Variants in GOLPH3L observed in about 807,000 individuals in gnomAD.
The protein encoded by GOLPH3L is golgi phosphoprotein 3 like.
A neutral mutation model predicts 30.3 loss-of-function variants in GOLPH3L; 22 were observed. The ratio of observed to expected loss-of-function variants is 0.73; its 90% confidence interval spans 0.52 to 1.04. GOLPH3L has a LOEUF of 1.04. Ranked by LOEUF, GOLPH3L falls within the 50% of genes least tolerant of loss-of-function variation. GOLPH3L has a pLI of 0.00. For missense variants in GOLPH3L, 303 were observed against 345.8 expected (o/e 0.88, Z 0.98); for synonymous variants, 120 against 128.2 (o/e 0.94, Z 0.43).
chr1:150,653,300 T>A (rs587634089), intron 4 of GOLPH3L, among the ~76,000 whole-genome samples: 41,667 of 131,204 alleles, frequency 0.32, 5,389 homozygotes, highest in South Asian at 0.47. Flanking sequence ...TTTTTTTTAT[T>A]TTTTTTTTTT....
chr1:150,652,246 T>C (rs1650118745), intron 4 of GOLPH3L, among the ~76,000 whole-genome samples: 1 of 151,296 alleles, frequency 6.6e-6, no homozygotes, highest in Non-Finnish European at 1.5e-5. Flanking sequence ...GCAGGTGTGG[T>C]GGCATGCACT....
intron 2 of GOLPH3L, among the ~76,000 whole-genome samples, chr1:150,693,836 T>TATAC (rs1557791412): frequency 5.0e-5 from 5 of 100,148 alleles, no homozygotes; most frequent in South Asian, 3.0e-4. Context: ...TATATATATA[T>TATAC]ATATATATAT....
intron 2 of GOLPH3L, 118 bp downstream of exon 2, chr1:150,694,538 T>C (rs1047354406): frequency 2.6e-5 from 16 of 609,698 alleles, no homozygotes; most frequent in Non-Finnish European, 3.8e-5. Flanking sequence ...ATCTTCCAGA[T>C]GGTTAGAGCA....
intron 2 of GOLPH3L, among the ~76,000 whole-genome samples, chr1:150,679,595 A>G (rs757234296): frequency 1.2e-4 from 18 of 152,212 alleles, no homozygotes; most frequent in Non-Finnish European, 2.4e-4. Flanking sequence ...CAGGAGTTAG[A>G]GACCAGCCTG....
intron 4 of GOLPH3L, among the ~76,000 whole-genome samples, chr1:150,654,696 G>T (rs969343092): frequency 7.9e-5 from 12 of 152,150 alleles, no homozygotes; most frequent in African/African-American, 2.9e-4. Flanking sequence ...TTCCAAACCG[G>T]GGCATTTCCA....
chr1:150,687,888 G>A (rs1651124293), intron 2 of GOLPH3L, among the ~76,000 whole-genome samples: 1 of 152,184 alleles, frequency 6.6e-6, no homozygotes, highest in South Asian at 2.1e-4. Flanking sequence ...AGAATGAATA[G>A]TGGTATATTC....
At chr1:150,693,584 C>T (rs1644560092) in intron 2 of GOLPH3L, among the ~76,000 whole-genome samples, 1 of 151,464 alleles carries the variant, frequency 6.6e-6, no homozygotes. Flanking sequence ...GATGAGAAAA[C>T]ACAGCAAAAA....
Position 150,694,715 on chromosome 1 carries a change from T to TA in GOLPH3L, c.123dup (p.Lys42Ter). 1.2e-6 allele frequency: 2 copies of TA among 1,611,704 alleles called. No individual in the cohort carries two copies. The highest frequency in any genetic ancestry group is 8.5e-7 in the Non-Finnish European group (1 of 1,177,856). On this transcript the variant is annotated frameshift_variant, in exon 2 of 5. Transcript: ENST00000271732. LOFTEE classifies it high-confidence loss of function. ...TCCATAAGAGTAAGGCGGATATCCT[T>TA]AGAGTCTCCAGAATCTTCATTGTCT...
At chr1:150,654,066 A>G (rs143481582) in intron 4 of GOLPH3L, among the ~76,000 whole-genome samples, 105 of 152,204 alleles carry the variant, frequency 6.9e-4, no homozygotes, top group African/African-American at 2.4e-3. Flanking sequence ...CCCAGCCACA[A>G]CTGTCTTAAA....
chr1:150,680,964 A>G (rs948212483), intron 2 of GOLPH3L, among the ~76,000 whole-genome samples: 66 of 152,000 alleles, frequency 4.3e-4, no homozygotes, highest in Admixed American at 9.2e-4. Context: ...ACATGGTGAA[A>G]CCCTGTCTCT....
At chr1:150,667,230 G>C (rs995133725) in intron 2 of GOLPH3L, among the ~76,000 whole-genome samples, 5 of 151,886 alleles carry the variant, frequency 3.3e-5, no homozygotes, top group African/African-American at 9.7e-5. Flanking sequence ...TTGGTGTTTG[G>C]GGGCCCCTTG....
chr1:150,672,210 T>C (rs58188830), intron 2 of GOLPH3L, among the ~76,000 whole-genome samples: 5,000 of 152,270 alleles, frequency 0.033, 264 homozygotes, highest in African/African-American at 0.11. Context: ...ATAATGATCT[T>C]CAGGGGTTAT....
chr1:150,660,790 A>G (rs1324394336), intron 4 of GOLPH3L, among the ~76,000 whole-genome samples: 1 of 152,196 alleles, frequency 6.6e-6, no homozygotes, highest in Non-Finnish European at 1.5e-5. Context: ...GGAGAGAGAA[A>G]GAGGAAGTTA....
intron 2 of GOLPH3L, among the ~76,000 whole-genome samples, chr1:150,689,914 T>C (rs191411238): frequency 7.9e-5 from 12 of 151,730 alleles, no homozygotes; most frequent in Non-Finnish European, 1.6e-4. Flanking sequence ...GCTGGGATTA[T>C]AGATGTGAGC....
At chr1:150,683,124 G>C (rs1232547178) in intron 2 of GOLPH3L, among the ~76,000 whole-genome samples, 1 of 152,062 alleles carries the variant, frequency 6.6e-6, no homozygotes, top group African/African-American at 2.4e-5. Flanking sequence ...ACTCAAGGCC[G>C]GGTGCAGTGG....
intron 2 of GOLPH3L, among the ~76,000 whole-genome samples, chr1:150,678,430 A>G (rs1650871042): frequency 6.6e-6 from 1 of 152,040 alleles, no homozygotes; most frequent in African/African-American, 2.4e-5. Context: ...TTATTATGAA[A>G]GATACAAGTT....
intron 2 of GOLPH3L, among the ~76,000 whole-genome samples, chr1:150,685,859 G>A (rs1651074159): frequency 6.7e-6 from 1 of 148,542 alleles, no homozygotes; most frequent in Non-Finnish European, 1.5e-5. Flanking sequence ...TGTGAAACTT[G>A]CTTTGTAAGT....
intron 2 of GOLPH3L, among the ~76,000 whole-genome samples, chr1:150,692,329 TTTG>T (rs1651232510): frequency 6.6e-6 from 1 of 152,192 alleles, no homozygotes; most frequent in Non-Finnish European, 1.5e-5. Flanking sequence ...AAGCTAAATA[TTTG>T]TTAACTATCC....
intron 4 of GOLPH3L, among the ~76,000 whole-genome samples, chr1:150,659,944 A>G (rs1650331977): frequency 6.6e-6 from 1 of 152,024 alleles, no homozygotes; most frequent in Admixed American, 6.6e-5. Context: ...CTGAGGTGGG[A>G]GGATCCTTGA....
Sources: gnomAD v4.1 joint callset for allele counts (sites outside exome capture counted in the v4.1 genomes callset) on GRCh38, gnomAD v4.1.1 for gene constraint, MANE v1.5 for transcripts, NCBI Gene and HGNC (gene_info 2026-07-23, HGNC 2026-07-21) for gene names.